The following C12orf54 variants were observed in gnomAD, a reference collection of about 807,000 sequenced individuals.
C12orf54 encodes the protein uncharacterized protein C12orf54.
C12orf54 carries 24 observed loss-of-function variants against 26.4 expected under a neutral mutation model. That is an observed-to-expected ratio of 0.91 (90% CI 0.66 to 1.28). C12orf54 has a LOEUF of 1.28. C12orf54 is among the 50% of genes most tolerant of loss of function. The probability of loss-of-function intolerance (pLI) is 0.00; values close to 1 mark genes in which losing one functional copy is unlikely to be tolerated. For missense variants in C12orf54, 154 were observed against 150.9 expected (o/e 1.02, Z -0.11); for synonymous variants, 54 against 47.0 (o/e 1.15, Z -0.61).
At chr12:48,473,021 C>A in the C12orf54 span, 1 of 1,614,138 alleles carries the variant, frequency 6.2e-7, no homozygotes, top group Non-Finnish European at 8.5e-7. Context: ...AGAGCTTAGA[C>A]CTTTTCACTT....
chr12:48,471,971 T>C, the C12orf54 span, among the ~76,000 whole-genome samples: 2 of 152,168 alleles, frequency 1.3e-5, no homozygotes, highest in Non-Finnish European at 2.9e-5. Flanking sequence ...TTACAATTCA[T>C]GAACATGGGA....
the C12orf54 span, among the ~76,000 whole-genome samples, chr12:48,438,777 T>C: frequency 6.6e-6 from 1 of 152,164 alleles, no homozygotes; most frequent in East Asian, 1.9e-4. Flanking sequence ...AAGACTTACA[T>C]GTTAGACCTA....
chr12:48,427,881 A>C, the C12orf54 span, among the ~76,000 whole-genome samples: 49 of 152,222 alleles, frequency 3.2e-4, no homozygotes, highest in African/African-American at 1.2e-3. Flanking sequence ...TCTATTCAAC[A>C]GTGCATAGAA....
intron 6 of C12orf54, 99 bp downstream of exon 6, chr12:48,490,935 G>C: frequency 1.4e-6 from 2 of 1,410,116 alleles, no homozygotes; most frequent in East Asian, 2.3e-5. Flanking sequence ...AGAAAATGGA[G>C]ATAAGAAGTG....
chr12:48,483,326 A>G lies in C12orf54; in HGVS notation c.30A>G (p.Glu10=), dbSNP rs1954220693. 1 of 1,614,008 alleles carries G rather than the reference A, an allele frequency of 6.2e-7. No individual in the cohort carries two copies. Among genetic ancestry groups the G allele is most frequent in the Non-Finnish European group, 8.5e-7 (1 of 1,179,946 alleles). MAQHPCQDQ[E]QKVEMTSKQQ... is the part of the protein sequence containing the mutation. ...CACAGCATCCCTGCCAGGATCAGGA[A>G]CAAAAGGTAGAAATGACCTCCAAGC... The change falls in exon 2 of 9, where the codon GAA becomes GAG. Residue 10 remains glutamate (E), a synonymous_variant. Coordinates refer to ENST00000548364, the MANE Select transcript of C12orf54 (RefSeq NM_152319.4).
the C12orf54 span, among the ~76,000 whole-genome samples, chr12:48,437,779 A>G: frequency 6.6e-6 from 1 of 152,122 alleles, no homozygotes; most frequent in Non-Finnish European, 1.5e-5. Context: ...ATCTATGACA[A>G]ACCCACAGCC....
chr12:48,456,996 A>C, the C12orf54 span, among the ~76,000 whole-genome samples: 1 of 152,012 alleles, frequency 6.6e-6, no homozygotes, highest in East Asian at 1.9e-4. Flanking sequence ...CTACTGTTAA[A>C]ATCTTTCCTT....
chr12:48,474,697 G>T, the C12orf54 span, among the ~76,000 whole-genome samples: 1 of 152,370 alleles, frequency 6.6e-6, no homozygotes, highest in East Asian at 1.9e-4. Flanking sequence ...TGCGGGAGGG[G>T]CGCCCGCCAT....
At chr12:48,476,768 C>G in the C12orf54 span, among the ~76,000 whole-genome samples, 34 of 152,166 alleles carry the variant, frequency 2.2e-4, 1 homozygote, top group South Asian at 5.8e-3. Context: ...GACCTACAAA[C>G]AGACTTAGAC....
At chr12:48,451,865 T>C in the C12orf54 span, among the ~76,000 whole-genome samples, 134,774 of 152,244 alleles carry the variant, frequency 0.89, 59,701 homozygotes, top group East Asian at 0.97. Flanking sequence ...ACATTCCATG[T>C]TTATGAATAG....
At chr12:48,455,160 A>C in the C12orf54 span, among the ~76,000 whole-genome samples, 1 of 152,074 alleles carries the variant, frequency 6.6e-6, no homozygotes, top group Non-Finnish European at 1.5e-5. Context: ...CTGTGTACTC[A>C]ATGTTTACCT....
chr12:48,471,843 C>T, the C12orf54 span, among the ~76,000 whole-genome samples: 134,744 of 152,234 alleles, frequency 0.89, 59,675 homozygotes, highest in East Asian at 0.97. Flanking sequence ...TTTGGTTCCA[C>T]GTGAATTCAG....
At chr12:48,465,403 TCAAAA>T in the C12orf54 span, among the ~76,000 whole-genome samples, 2 of 152,142 alleles carry the variant, frequency 1.3e-5, no homozygotes, top group African/African-American at 4.8e-5. Flanking sequence ...TATTAAAAAG[TCAAAA>T]CATAACTGAT....
At chr12:48,454,096 G>GTTTTTTT in the C12orf54 span, among the ~76,000 whole-genome samples, 2 of 94,280 alleles carry the variant, frequency 2.1e-5, no homozygotes, top group Admixed American at 1.1e-4. Context: ...TTTTTTGTTT[G>GTTTTTTT]TTTTTTTTTT....
At chr12:48,468,698 G>C in the C12orf54 span, among the ~76,000 whole-genome samples, 43 of 151,990 alleles carry the variant, frequency 2.8e-4, 1 homozygote, top group East Asian at 6.8e-3. Context: ...TGGTTACATG[G>C]GTATATTTCA....
At chr12:48,465,596 G>T in the C12orf54 span, among the ~76,000 whole-genome samples, 1 of 151,948 alleles carries the variant, frequency 6.6e-6, no homozygotes, top group African/African-American at 2.4e-5. Flanking sequence ...TTGTTCTAGT[G>T]TAAAGACATA....
the C12orf54 span, among the ~76,000 whole-genome samples, chr12:48,418,947 T>C: frequency 2.7e-5 from 4 of 148,910 alleles, no homozygotes; most frequent in South Asian, 2.1e-4. Flanking sequence ...AAAGCCTGAA[T>C]CTTGCATCAT....
chr12:48,474,765 G>A, the C12orf54 span, among the ~76,000 whole-genome samples: 1 of 152,238 alleles, frequency 6.6e-6, no homozygotes, highest in Non-Finnish European at 1.5e-5. Flanking sequence ...GAACTGGGTG[G>A]AGCCCACCAC....
chr12:48,435,911 A>G, the C12orf54 span, among the ~76,000 whole-genome samples: 1 of 152,076 alleles, frequency 6.6e-6, no homozygotes, highest in Admixed American at 6.6e-5. Context: ...AATAATAATA[A>G]TAATGTTAAA....
Sources: allele counts gnomAD v4.1 joint callset (sites outside exome capture counted in the v4.1 genomes callset), GRCh38; gene constraint gnomAD v4.1.1; transcripts MANE v1.5; gene names NCBI Gene and HGNC (gene_info 2026-07-23, HGNC 2026-07-21).